SDHB: variants seen among roughly 807,000 people sequenced by gnomAD.
The protein encoded by SDHB is succinate dehydrogenase complex iron sulfur subunit B.
In SDHB, 21 loss-of-function variants were observed where a neutral mutation model predicts 39.7. That is an observed-to-expected ratio of 0.53 (90% CI 0.37 to 0.76). SDHB has a LOEUF of 0.76. Among genes scored for constraint, SDHB ranks in the 30% least tolerant of loss-of-function variants. The pLI, the probability that SDHB is intolerant of heterozygous loss-of-function variation, is 0.00. For synonymous variants in SDHB, 118 were observed against 117.0 expected (o/e 1.01, Z -0.06); for missense variants, 343 against 350.9 (o/e 0.98, Z 0.18).
intron 6 of SDHB, chr1:17,023,104 C>T (rs2077971269): frequency 5.9e-6 from 2 of 341,744 alleles, no homozygotes; most frequent in South Asian, 4.6e-5. Context: ...CCATGCTGGA[C>T]TTGCTGTCTC....
chr1:17,026,909 G>A (rs1431525025), intron 5 of SDHB, among the ~76,000 whole-genome samples: 1 of 152,148 alleles, frequency 6.6e-6, no homozygotes, highest in East Asian at 1.9e-4. Flanking sequence ...GGGACTATCA[G>A]AATGCACCAC....
chr1:17,020,113 G>C (rs774335898), intron 7 of SDHB, among the ~76,000 whole-genome samples: 29 of 152,214 alleles, frequency 1.9e-4, no homozygotes, highest in Non-Finnish European at 2.9e-4. Flanking sequence ...CTGACTTCTA[G>C]GGAGGTGGCT....
intron 1 of SDHB, among the ~76,000 whole-genome samples, chr1:17,048,220 A>G (rs1043913737): frequency 6.6e-6 from 1 of 152,210 alleles, no homozygotes; most frequent in South Asian, 2.1e-4. Flanking sequence ...CAAGAATGTT[A>G]TATCAATATA....
At chr1:17,038,634 T>G in intron 2 of SDHB, among the ~76,000 whole-genome samples, 1 of 152,192 alleles carries the variant, frequency 6.6e-6, no homozygotes, top group Non-Finnish European at 1.5e-5. Flanking sequence ...CCTTCCTTAT[T>G]CCTGATCTTA....
At chr1:17,027,498 T>C (rs1056998015) in intron 5 of SDHB, among the ~76,000 whole-genome samples, 2 of 151,954 alleles carry the variant, frequency 1.3e-5, no homozygotes, top group Non-Finnish European at 2.9e-5. Flanking sequence ...AAAGATGGAG[T>C]AGCCACACAG....
chr1:17,053,130 C>T (rs1319827450), intron 1 of SDHB, among the ~76,000 whole-genome samples: 1 of 152,100 alleles, frequency 6.6e-6, no homozygotes, highest in Non-Finnish European at 1.5e-5. Flanking sequence ...ATTTCCCTTC[C>T]CCTTCTAAAT....
At chr1:17,022,177 A>C (rs2077965364) in intron 7 of SDHB, among the ~76,000 whole-genome samples, 1 of 152,228 alleles carries the variant, frequency 6.6e-6, no homozygotes, top group Admixed American at 6.5e-5. Context: ...GAGTCAGAGA[A>C]AACCTCCACA....
At chr1:17,052,662 C>T (rs2078155423) in intron 1 of SDHB, among the ~76,000 whole-genome samples, 6 of 152,198 alleles carry the variant, frequency 3.9e-5, no homozygotes, top group Admixed American at 3.9e-4. Context: ...CTCTGGTAGG[C>T]TGTCTTCTTC....
chr1:17,050,070 T>G (rs2078136741), intron 1 of SDHB, among the ~76,000 whole-genome samples: 1 of 152,192 alleles, frequency 6.6e-6, no homozygotes, highest in South Asian at 2.1e-4. Context: ...CAATGAGGTT[T>G]TCCCTTCAAC....
At chr1:17,030,588 T>G (rs574105133) in intron 3 of SDHB, among the ~76,000 whole-genome samples, 5 of 152,210 alleles carry the variant, frequency 3.3e-5, no homozygotes, top group Admixed American at 3.3e-4. Context: ...AAAATGATTA[T>G]GTACTCTAAA....
intron 3 of SDHB, among the ~76,000 whole-genome samples, chr1:17,029,699 T>C (rs1213161278): frequency 6.6e-6 from 1 of 152,212 alleles, no homozygotes; most frequent in African/African-American, 2.4e-5. Context: ...TGAAGTGACC[T>C]GGATACAGAT....
At chr1:17,026,487 C>A (rs2077992406) in intron 5 of SDHB, among the ~76,000 whole-genome samples, 1 of 152,200 alleles carries the variant, frequency 6.6e-6, no homozygotes, top group Non-Finnish European at 1.5e-5. Context: ...GCCTTGGCCT[C>A]CTGAGTAGCT....
At chr1:17,052,649 A>T (rs2078155329) in intron 1 of SDHB, among the ~76,000 whole-genome samples, 1 of 152,362 alleles carries the variant, frequency 6.6e-6, no homozygotes, top group Non-Finnish European at 1.5e-5. Context: ...TGTCAGCTTG[A>T]GGCTCTGGTA....
intron 5 of SDHB, among the ~76,000 whole-genome samples, chr1:17,026,481 T>C (rs550195157): frequency 1.1e-4 from 17 of 152,226 alleles, no homozygotes; most frequent in Admixed American, 5.9e-4. Context: ...TCTCCTGCCT[T>C]GGCCTCCTGA....
At position 17,028,897 on chromosome 1, in the gene SDHB, T is replaced by C. The variant is rs962199436; in HGVS notation, c.287-161A>G. Among the ~76,000 whole-genome samples, 5 of 152,168 alleles carry C rather than the reference T, an allele frequency of 3.3e-5. No homozygotes were observed. The East Asian group carries it at 7.8e-4, about 24-fold the overall frequency. Reference sequence around the variant, plus strand: ...TGTTGGCTTTTCTCCCTTCCTTCCTTCTTCCTGCCTCGAATGTGGTTCTAA... The same window carrying C: ...TGTTGGCTTTTCTCCCTTCCTTCCTCCTTCCTGCCTCGAATGTGGTTCTAA... On this transcript the variant is annotated intron_variant, in intron 3 of 7. Transcript: ENST00000375499.
intron 3 of SDHB, among the ~76,000 whole-genome samples, chr1:17,030,145 C>T (rs186498154): frequency 3.0e-4 from 46 of 152,052 alleles, no homozygotes; most frequent in African/African-American, 9.4e-4. Context: ...GCAGAGATCG[C>T]GCCACTGCAC....
chr1:17,023,339 T>C (rs2077973435), intron 6 of SDHB, among the ~76,000 whole-genome samples: 1 of 152,176 alleles, frequency 6.6e-6, no homozygotes, highest in African/African-American at 2.4e-5. Context: ...CATTATCCAA[T>C]CTTCACATGG....
chr1:17,046,987 G>C (rs865996993), intron 1 of SDHB, among the ~76,000 whole-genome samples: 1 of 152,156 alleles, frequency 6.6e-6, no homozygotes, highest in African/African-American at 2.4e-5. Context: ...AAACTGCTAG[G>C]ATTACAGGCG....
chr1:17,051,752 T>C (rs1475423625), intron 1 of SDHB, among the ~76,000 whole-genome samples: 1 of 152,158 alleles, frequency 6.6e-6, no homozygotes, highest in African/African-American at 2.4e-5. Flanking sequence ...CTCTACAAGA[T>C]TGGCAACCTT....
Sources: gnomAD v4.1 joint callset for allele counts (sites outside exome capture counted in the v4.1 genomes callset) on GRCh38, gnomAD v4.1.1 for gene constraint, MANE v1.5 for transcripts, NCBI Gene and HGNC (gene_info 2026-07-23, HGNC 2026-07-21) for gene names.